The following CD53 variants were observed in gnomAD, a reference collection of about 807,000 sequenced individuals.
CD53 encodes leukocyte surface antigen CD53.
A neutral mutation model predicts 27.3 loss-of-function variants in CD53; 20 were observed. That is an observed-to-expected ratio of 0.73 (90% CI 0.52 to 1.07). CD53 has a LOEUF of 1.07. Ranked by LOEUF, CD53 falls within the 50% of genes least tolerant of loss-of-function variation. The probability of loss-of-function intolerance (pLI) is 0.00; values close to 1 mark genes in which losing one functional copy is unlikely to be tolerated. For missense variants in CD53, 216 were observed against 264.0 expected, an observed-to-expected ratio of 0.82 and a Z score of 1.26; for synonymous variants, 106 against 105.3, an observed-to-expected ratio of 1.01 and a Z score of -0.04.
chr1:110,896,689 A>G lies in CD53; in HGVS notation c.460A>G (p.Thr154Ala), dbSNP rs1156395505. The G allele has an allele frequency of 6.2e-7, 1 of 1,613,386 alleles. No homozygotes were observed. The highest frequency in any genetic ancestry group is 1.3e-5 in the African/African-American group (1 of 74,830). The change falls in exon 6 of 8, where the codon ACC (threonine) becomes GCC (alanine). Residue 154 changes from threonine to alanine, a missense_variant. Thr to Ala is a moderately conservative substitution (Grantham distance 58). Coordinates refer to ENST00000271324, the MANE Select transcript of CD53 (RefSeq NM_000560.4). ...CCGINGTSDW[T>A]SGPPASCPSD... is the part of the protein sequence containing the mutation. ...TGGTATAAATGGCACGAGTGATTGG[A>G]CCAGTGGCCCACCAGCATCTTGCCC...
chr1:110,875,239 A>T (rs1656077183), intron 1 of CD53, among the ~76,000 whole-genome samples: 1 of 152,182 alleles, frequency 6.6e-6, no homozygotes, highest in Non-Finnish European at 1.5e-5. Flanking sequence ...GCAGTGTAAC[A>T]CACCATGTTT....
rs1656016313 is a variant in CD53 at position 110,873,267 on chromosome 1, T to C, written c.-18+19T>C. 1 of 152,682 alleles carries C rather than the reference T, an allele frequency of 6.5e-6. No homozygotes were observed. The highest frequency in any genetic ancestry group is 2.4e-5 in the African/African-American group (1 of 41,458). 9.5% of individuals were successfully genotyped at this position (152,682 alleles called of 1,614,324 possible). ...GGAAAAGGTAAGGTTGATGACGTTT[T>C]AACTTGGCTTGCTGTCTAATGTGGG... On this transcript the variant is annotated intron_variant, in intron 1 of 7. Transcript: ENST00000271324.
chr1:110,887,822 C>T (rs947478174), intron 1 of CD53, among the ~76,000 whole-genome samples: 2 of 152,202 alleles, frequency 1.3e-5, no homozygotes, highest in African/African-American at 4.8e-5. Context: ...CTAATCAGGA[C>T]TCAGCTAAAT....
intron 1 of CD53, among the ~76,000 whole-genome samples, chr1:110,889,371 A>T (rs746697623): frequency 6.6e-6 from 1 of 151,836 alleles, no homozygotes; most frequent in Non-Finnish European, 1.5e-5. Context: ...CCTGGCCAAC[A>T]TGGTGAAACC....
At chr1:110,895,439 C>T (rs1047436876) in intron 5 of CD53, among the ~76,000 whole-genome samples, 1 of 152,186 alleles carries the variant, frequency 6.6e-6, no homozygotes, top group African/African-American at 2.4e-5. Context: ...CCTAGCCCAC[C>T]AACATCCCAT....
At chr1:110,891,294 C>T (rs765103880) in intron 1 of CD53, 98 bp from the exon 2 acceptor site, 1 of 862,364 alleles carries the variant, frequency 1.2e-6, no homozygotes. Context: ...ACAGCTCAAA[C>T]CCAAGGTAAT....
rs1040329253 is a variant in CD53 at position 110,886,942 on chromosome 1, CA to C, written c.-17-4449del. 1.6e-4 allele frequency among the ~76,000 whole-genome samples: 24 copies of C among 146,622 alleles called. No homozygotes were observed. The South Asian group carries it at 5.1e-3, about 31-fold the overall frequency. On this transcript the variant is annotated intron_variant, in intron 1 of 7. Coordinates refer to ENST00000271324, the MANE Select transcript of CD53 (RefSeq NM_000560.4). ...CTTCAAGTTCGCTAGTTTTTTTCTTCAGCAATATCTAATCTGCCATTAATCC... is the reference window on the plus strand; with the variant it reads ...CTTCAAGTTCGCTAGTTTTTTTCTTCGCAATATCTAATCTGCCATTAATCC...
At chr1:110,898,987 A>G in intron 7 of CD53, 137 bp from the exon 8 acceptor site, 1 of 631,460 alleles carries the variant, frequency 1.6e-6, no homozygotes, top group Non-Finnish European at 2.8e-6. Flanking sequence ...AGCTCCTGAG[A>G]GAGACTTGAA....
rs943784577 is a variant in CD53, at chr1:110,899,167, AC to A, written c.633del (p.Asp211GlufsTer7). The A allele has an allele frequency of 6.2e-7, 1 of 1,613,870 alleles. No homozygotes were observed. The highest frequency in any genetic ancestry group is 1.3e-5 in the African/African-American group (1 of 75,056). On this transcript the variant is annotated frameshift_variant, in exon 8 of 8. Coordinates refer to ENST00000271324, the MANE Select transcript of CD53 (RefSeq NM_000560.4). LOFTEE classifies it high-confidence loss of function. ...GCACTGACCCTGAACTGCCAGATTG[AC>A]AAAACCAGCCAGACCATAGGGCTAT... ...SFALTLNCQI[D>X]KTSQTIGL
chr1:110,875,837 G>T (rs1225542022), intron 1 of CD53, among the ~76,000 whole-genome samples: 1 of 152,202 alleles, frequency 6.6e-6, no homozygotes, highest in Non-Finnish European at 1.5e-5. Context: ...TTTTGGGAAA[G>T]AGAAAGACAT....
chr1:110,886,846 A>AAGATATAT lies in CD53; in HGVS notation c.-17-4545_-17-4544insGATATATA, dbSNP rs141935496. ...GGCAACAGAGCGAGACTCTGTCTCC[A>AAGATATAT]ATATATATATATATATATATATATT... is the stretch of plus-strand genomic sequence containing the variant. On this transcript the variant is annotated intron_variant, in intron 1 of 7. Transcript: ENST00000271324. 1.2e-3 allele frequency among the ~76,000 whole-genome samples: 122 copies of AAGATATAT among 100,980 alleles called. 32 individuals are homozygous for AAGATATAT. The highest frequency in any genetic ancestry group is 1.4e-3 in the Non-Finnish European group (65 of 46,676). 66.2% of individuals were successfully genotyped at this position (100,980 alleles called of 152,430 possible).
At chr1:110,882,257 T>C (rs1656385009) in intron 1 of CD53, among the ~76,000 whole-genome samples, 1 of 152,178 alleles carries the variant, frequency 6.6e-6, no homozygotes. Flanking sequence ...CATCACTAGT[T>C]ACGATTTCGT....
intron 1 of CD53, among the ~76,000 whole-genome samples, chr1:110,883,757 G>A (rs1366948643): frequency 6.6e-6 from 1 of 151,866 alleles, no homozygotes; most frequent in Non-Finnish European, 1.5e-5. Flanking sequence ...TCTATTTTTT[G>A]AGTGAGACTT....
chr1:110,895,574 G>A (rs977369398), intron 5 of CD53, among the ~76,000 whole-genome samples: 4 of 152,114 alleles, frequency 2.6e-5, no homozygotes, highest in Non-Finnish European at 5.9e-5. Context: ...TTTGTGTCTC[G>A]AAACAGTACC....
intron 1 of CD53, among the ~76,000 whole-genome samples, chr1:110,890,972 G>T (rs1327156270): frequency 6.6e-6 from 1 of 152,252 alleles, no homozygotes; most frequent in Non-Finnish European, 1.5e-5. Flanking sequence ...GAGTATTTAA[G>T]AAACTGGCTG....
intron 3 of CD53, among the ~76,000 whole-genome samples, chr1:110,893,944 C>T (rs1224766026): frequency 1.3e-5 from 2 of 152,222 alleles, no homozygotes; most frequent in East Asian, 3.8e-4. Context: ...GTCCTCCACC[C>T]AGAGGTATCC....
chr1:110,877,653 A>G (rs910370168), intron 1 of CD53, among the ~76,000 whole-genome samples: 32 of 152,094 alleles, frequency 2.1e-4, no homozygotes, highest in African/African-American at 7.0e-4. Flanking sequence ...CTCTTCTTCT[A>G]TAAATCGCCA....
intron 1 of CD53, among the ~76,000 whole-genome samples, chr1:110,890,279 A>C (rs1208507882): frequency 6.6e-6 from 1 of 152,122 alleles, no homozygotes; most frequent in Admixed American, 6.5e-5. Context: ...GAAAATTCAA[A>C]ATTCTGGCCA....
intron 4 of CD53, among the ~76,000 whole-genome samples, chr1:110,894,640 T>A (rs1243323904): frequency 6.6e-6 from 1 of 152,222 alleles, no homozygotes; most frequent in Non-Finnish European, 1.5e-5. Flanking sequence ...CTTCCTCTAC[T>A]TGCTTTCCTC....
Sources: gnomAD v4.1 joint callset for allele counts (sites outside exome capture counted in the v4.1 genomes callset) on GRCh38, gnomAD v4.1.1 for gene constraint, MANE v1.5 for transcripts, NCBI Gene and HGNC (gene_info 2026-07-23, HGNC 2026-07-21) for gene names.